The following SLC4A10 variants were observed in gnomAD, a reference collection of about 807,000 sequenced individuals.
The protein encoded by SLC4A10 is solute carrier family 4 member 10.
In SLC4A10, 42 loss-of-function variants were observed where a neutral mutation model predicts 137.7. That is an observed-to-expected ratio of 0.30 (90% CI 0.24 to 0.39). The LOEUF (loss-of-function observed/expected upper bound fraction) is 0.39. Ranked by LOEUF, SLC4A10 falls within the 10% of genes least tolerant of loss-of-function variation. SLC4A10 has a pLI of 1.00. For synonymous variants in SLC4A10, 474 were observed against 464.1 expected, an observed-to-expected ratio of 1.02 and a Z score of -0.27; for missense variants, 925 against 1,355.0, an observed-to-expected ratio of 0.68 and a Z score of 4.98.
chr2:161,674,365 T>G (rs2040057783), intron 1 of SLC4A10, among the ~76,000 whole-genome samples: 1 of 152,180 alleles, frequency 6.6e-6, no homozygotes, highest in Non-Finnish European at 1.5e-5. Context: ...GAAGTAGCAT[T>G]GATAGTGCAT....
chr2:161,644,863 A>T (rs2035814005), intron 1 of SLC4A10, among the ~76,000 whole-genome samples: 1 of 152,198 alleles, frequency 6.6e-6, no homozygotes, highest in South Asian at 2.1e-4. Flanking sequence ...CACACAAATG[A>T]AACAAAATAA....
At chr2:161,683,260 G>A (rs897544136) in intron 1 of SLC4A10, among the ~76,000 whole-genome samples, 10 of 152,256 alleles carry the variant, frequency 6.6e-5, no homozygotes, top group Admixed American at 3.3e-4. Flanking sequence ...GAGGTACAAG[G>A]ACTGCGTTTA....
chr2:161,842,362 A>C (rs1219298282), intron 4 of SLC4A10, among the ~76,000 whole-genome samples: 4 of 152,154 alleles, frequency 2.6e-5, no homozygotes, highest in Non-Finnish European at 4.4e-5. Context: ...AACTGCTTAA[A>C]ATGTCTTTTC....
intron 1 of SLC4A10, among the ~76,000 whole-genome samples, chr2:161,703,291 T>C (rs1352561917): frequency 6.6e-6 from 1 of 151,680 alleles, no homozygotes; most frequent in East Asian, 1.9e-4. Flanking sequence ...GAATAGGAGA[T>C]TGGTTCAATA....
chr2:161,754,569 AATTGC>A (rs1471502650), intron 1 of SLC4A10, among the ~76,000 whole-genome samples: 1 of 152,188 alleles, frequency 6.6e-6, no homozygotes, highest in Non-Finnish European at 1.5e-5. Flanking sequence ...AGTGGTGGCT[AATTGC>A]ATCTGGCTGC....
rs1387501965 is a variant in SLC4A10 at position 161,822,660 on chromosome 2, G to A, written c.278-17129G>A. Among the ~76,000 whole-genome samples, 3 of 152,058 alleles carry A rather than the reference G, an allele frequency of 2.0e-5. No homozygotes were observed. The East Asian group carries it at 5.8e-4, about 29-fold the overall frequency. On this transcript the variant is annotated intron_variant, in intron 3 of 26. Transcript: ENST00000446997. ...TTTATATGTATATTATGTAGTTTTT[G>A]TATATTATGTATTTTTATATTAAAA...
intron 23 of SLC4A10, among the ~76,000 whole-genome samples, chr2:161,971,661 C>T (rs776342002): frequency 6.6e-6 from 1 of 152,212 alleles, no homozygotes; most frequent in Non-Finnish European, 1.5e-5. Flanking sequence ...TTGACTGCTC[C>T]TCCTCAGAAA....
intron 20 of SLC4A10, 67 bp from the exon 21 acceptor site, chr2:161,958,420 T>C: frequency 7.3e-7 from 1 of 1,365,220 alleles, no homozygotes; most frequent in African/African-American, 1.4e-5. Flanking sequence ...TTTTTTTCTT[T>C]GATAAATGCA....
At position 161,782,068 on chromosome 2, in the gene SLC4A10, T is replaced by A. The variant is rs557866205; in HGVS notation, c.130+11014T>A. 5.9e-5 allele frequency among the ~76,000 whole-genome samples: 9 copies of A among 152,156 alleles called. No individual in the cohort carries two copies. In the East Asian group the frequency reaches 1.8e-3, roughly 30 times the overall value. On this transcript the variant is annotated intron_variant, in intron 2 of 26. Transcript: ENST00000446997. ...GCCACCTGGGGGAGAATAGAGATGG[T>A]GGCTTAGATTGGTAGCCACCATAGC...
At chr2:161,734,428 G>A (rs558087435) in intron 1 of SLC4A10, among the ~76,000 whole-genome samples, 53 of 152,196 alleles carry the variant, frequency 3.5e-4, no homozygotes, top group Admixed American at 2.1e-3. Context: ...CCACTGCCAT[G>A]TAAGAAGTGC....
intron 1 of SLC4A10, among the ~76,000 whole-genome samples, chr2:161,642,823 G>A (rs1274033837): frequency 6.6e-6 from 1 of 151,930 alleles, no homozygotes; most frequent in East Asian, 1.9e-4. Flanking sequence ...AAATAAATAA[G>A]ACTTAGTTAA....
At chr2:161,636,383 G>T (rs1006869472) in intron 1 of SLC4A10, among the ~76,000 whole-genome samples, 3 of 151,884 alleles carry the variant, frequency 2.0e-5, no homozygotes, top group African/African-American at 7.2e-5. Flanking sequence ...ATTTTTATTT[G>T]TATTATTTGT....
At chr2:161,643,826 C>T (rs1368751561) in intron 1 of SLC4A10, among the ~76,000 whole-genome samples, 1 of 152,048 alleles carries the variant, frequency 6.6e-6, no homozygotes, top group Non-Finnish European at 1.5e-5. Flanking sequence ...TTAATTGATT[C>T]AAGTAGAACA....
At chr2:161,697,684 T>G (rs2042678704) in intron 1 of SLC4A10, among the ~76,000 whole-genome samples, 1 of 152,226 alleles carries the variant, frequency 6.6e-6, no homozygotes, top group South Asian at 2.1e-4. Context: ...TTGGTACCAG[T>G]ACCATGCTGT....
chr2:161,835,973 A>G (rs1303528468), intron 3 of SLC4A10, among the ~76,000 whole-genome samples: 1 of 152,208 alleles, frequency 6.6e-6, no homozygotes, highest in Non-Finnish European at 1.5e-5. Flanking sequence ...TCCTGTTGAT[A>G]GTGACCTTAA....
In SLC4A10 at chr2:161,957,060, G is replaced by T; in HGVS notation, c.2613G>T (p.Leu871=). The change falls in exon 20 of 27, where the codon CTG becomes CTT. Residue 871 remains leucine, a synonymous_variant. Coordinates refer to ENST00000446997, the MANE Select transcript of SLC4A10 (RefSeq NM_001178015.2). The part of the protein sequence containing the change: ...VMLGVCSIMG[L]PWFVAATVLS... ...TCGGTGTATGCTCCATCATGGGCCT[G>T]CCATGGTTTGTGGCTGCCACAGTCC... is the stretch of plus-strand genomic sequence containing the variant. 1 of 1,612,618 alleles carries T rather than the reference G, an allele frequency of 6.2e-7. No individual in the cohort carries two copies. The highest frequency in any genetic ancestry group is 8.5e-7 in the Non-Finnish European group (1 of 1,179,422).
intron 1 of SLC4A10, among the ~76,000 whole-genome samples, chr2:161,649,998 A>T (rs1166484245): frequency 1.3e-5 from 2 of 152,212 alleles, no homozygotes; most frequent in Non-Finnish European, 2.9e-5. Flanking sequence ...CAAACTAAGG[A>T]ATTAACATTG....
chr2:161,840,551 T>C (rs570007729), intron 4 of SLC4A10, among the ~76,000 whole-genome samples: 1 of 152,368 alleles, frequency 6.6e-6, no homozygotes, highest in African/African-American at 2.4e-5. Flanking sequence ...TCTGATTTGC[T>C]CAGTTAACAA....
intron 1 of SLC4A10, among the ~76,000 whole-genome samples, chr2:161,752,306 AAG>A (rs1187185400): frequency 6.6e-6 from 1 of 151,928 alleles, no homozygotes; most frequent in African/African-American, 2.4e-5. Flanking sequence ...TCTCTTGAAG[AAG>A]AGGTCAAGAG....
Sources: allele counts gnomAD v4.1 joint callset (sites outside exome capture counted in the v4.1 genomes callset), GRCh38; gene constraint gnomAD v4.1.1; transcripts MANE v1.5; gene names NCBI Gene and HGNC (gene_info 2026-07-23, HGNC 2026-07-21).